CDK7: variants seen among roughly 807,000 people sequenced by gnomAD.
CDK7 encodes the protein cyclin dependent kinase 7, also known as cyclin-dependent kinase 7.
Under a neutral mutation model 49.1 loss-of-function variants are expected in CDK7, and 25 were observed. That is an observed-to-expected ratio of 0.51 (90% CI 0.37 to 0.71). The LOEUF (loss-of-function observed/expected upper bound fraction) is 0.71, where lower values mean the gene tolerates loss of function less well. Among genes scored for constraint, CDK7 ranks in the 30% least tolerant of loss-of-function variants. CDK7 has a pLI of 0.00. For missense variants in CDK7, 316 were observed against 411.7 expected, an observed-to-expected ratio of 0.77 and a Z score of 2.01; for synonymous variants, 107 against 140.0, an observed-to-expected ratio of 0.76 and a Z score of 1.67.
intron 2 of CDK7, among the ~76,000 whole-genome samples, chr5:69,246,024 G>T (rs781108916): frequency 3.3e-5 from 5 of 152,120 alleles, no homozygotes; most frequent in Admixed American, 6.6e-5. Context: ...TTTCTGCCTG[G>T]CATGTACCAA....
intron 2 of CDK7, among the ~76,000 whole-genome samples, chr5:69,244,382 G>C (rs1307881185): frequency 6.6e-6 from 1 of 152,004 alleles, no homozygotes; most frequent in Non-Finnish European, 1.5e-5. Flanking sequence ...TTGTCACCAG[G>C]TGTGGTGGCT....
At chr5:69,241,732 T>C (rs1749403639) in intron 2 of CDK7, among the ~76,000 whole-genome samples, 1 of 152,224 alleles carries the variant, frequency 6.6e-6, no homozygotes. Context: ...TACTCAGATC[T>C]TTCGCCCATT....
intron 8 of CDK7, among the ~76,000 whole-genome samples, chr5:69,263,917 A>G (rs950578940): frequency 5.3e-5 from 8 of 152,250 alleles, no homozygotes; most frequent in Non-Finnish European, 8.8e-5. Flanking sequence ...TGTTGCTGGA[A>G]TCATCTTTAA....
intron 2 of CDK7, among the ~76,000 whole-genome samples, chr5:69,243,486 C>T (rs375665703): frequency 2.0e-5 from 3 of 152,130 alleles, no homozygotes; most frequent in Non-Finnish European, 4.4e-5. Context: ...CTATTCTGTT[C>T]CATTGGTCTG....
At chr5:69,271,513 CTTTTTTTT>C (rs56035306) in intron 9 of CDK7, among the ~76,000 whole-genome samples, 1 of 134,326 alleles carries the variant, frequency 7.4e-6, no homozygotes, top group Non-Finnish European at 1.6e-5. Context: ...ATTTTTTTTT[CTTTTTTTT>C]TTTTTTTTCA....
In CDK7 at chr5:69,253,836, C is replaced by T. The variant is rs564220136; in HGVS notation, c.161-766C>T. On this transcript the variant is annotated intron_variant, in intron 3 of 11. Transcript: ENST00000256443. Reference sequence around the variant, plus strand: ...AATATTGGCCTGGTGCCATGGCTTACGCCTGTAATCCCAGCACTTTGGGAG... The same window carrying T: ...AATATTGGCCTGGTGCCATGGCTTATGCCTGTAATCCCAGCACTTTGGGAG... Among the ~76,000 whole-genome samples, 5 of 152,246 alleles carry T rather than the reference C, an allele frequency of 3.3e-5. 1 individual carries two copies. Among genetic ancestry groups the T allele is most frequent in the South Asian group, 4.1e-4 (2 of 4,826 alleles).
intron 9 of CDK7, among the ~76,000 whole-genome samples, chr5:69,270,036 A>G (rs1302858261): frequency 6.8e-6 from 1 of 147,446 alleles, no homozygotes; most frequent in Non-Finnish European, 1.5e-5. Flanking sequence ...GTTTGAGACC[A>G]GCCTGGGCTA....
chr5:69,238,791 A>G (rs1454347731), intron 2 of CDK7, among the ~76,000 whole-genome samples: 1 of 149,556 alleles, frequency 6.7e-6, no homozygotes, highest in East Asian at 2.0e-4. Flanking sequence ...TCAACTGCTG[A>G]CCTCAACTGA....
intron 2 of CDK7, chr5:69,250,603 T>C: frequency 2.4e-6 from 1 of 421,860 alleles, no homozygotes; most frequent in Non-Finnish European, 4.8e-6. Flanking sequence ...CAGGGGTAGG[T>C]CCAGAAATGC....
chr5:69,255,823 T>G, intron 5 of CDK7: 1 of 350,698 alleles, frequency 2.9e-6, no homozygotes, highest in Non-Finnish European at 5.4e-6. Flanking sequence ...TAAGATTTGT[T>G]TGCTTTTTTT....
At chr5:69,274,994 G>A (rs1332336420) in intron 10 of CDK7, among the ~76,000 whole-genome samples, 2 of 151,572 alleles carry the variant, frequency 1.3e-5, no homozygotes, top group African/African-American at 4.8e-5. Context: ...AACCCGGGAG[G>A]TGGAGGTTGC....
chr5:69,272,310 C>T (rs1751644877), intron 9 of CDK7, among the ~76,000 whole-genome samples: 1 of 152,128 alleles, frequency 6.6e-6, no homozygotes. Context: ...ATCTTGAAAT[C>T]AGGTAAAATG....
intron 1 of CDK7, 102 bp from the exon 2 acceptor site, chr5:69,235,278 AGCCGCCGCGAGTCT>A: frequency 1.2e-6 from 1 of 858,578 alleles, no homozygotes; most frequent in Non-Finnish European, 1.9e-6. Flanking sequence ...CCACGTTTCC[AGCCGCCGCGAGTCT>A]GCTCAGGAAC....
intron 2 of CDK7, among the ~76,000 whole-genome samples, chr5:69,237,157 G>C (rs1236603765): frequency 6.6e-6 from 1 of 151,832 alleles, no homozygotes; most frequent in Non-Finnish European, 1.5e-5. Context: ...TTAGAGTGCA[G>C]TGGCACAGCC....
chr5:69,247,848 A>G (rs1407916286), intron 2 of CDK7, among the ~76,000 whole-genome samples: 1 of 152,242 alleles, frequency 6.6e-6, no homozygotes. Flanking sequence ...ACCAACAAGC[A>G]AAAAGAAAAC....
At chr5:69,262,593 T>A (rs561716670) in intron 8 of CDK7, among the ~76,000 whole-genome samples, 1 of 147,380 alleles carries the variant, frequency 6.8e-6, no homozygotes, top group South Asian at 2.1e-4. Flanking sequence ...CGCTTGAACC[T>A]GGGAGGCAGA....
chr5:69,253,236 TGTAA>T (rs1284654670), intron 3 of CDK7, among the ~76,000 whole-genome samples: 3 of 152,226 alleles, frequency 2.0e-5, no homozygotes, highest in African/African-American at 7.2e-5. Context: ...CCATTGTCTG[TGTAA>T]GTGCCAATAC....
chr5:69,255,780 A>T, intron 5 of CDK7: 1 of 481,364 alleles, frequency 2.1e-6, no homozygotes, highest in Middle Eastern at 3.2e-4. Context: ...TAGCTAGTTG[A>T]CGTCATTTTT....
chr5:69,276,408 A>G lies in CDK7; in HGVS notation c.865-135A>G, dbSNP rs967741847. 2.4e-5 allele frequency: 17 copies of G among 711,240 alleles called. 1 individual carries two copies. In the Admixed American group the frequency reaches 4.2e-4, roughly 18 times the overall value. The allele number at this position is 711,240 out of a possible 1,614,324, so 44.1% of individuals were successfully genotyped here. A position where few individuals can be genotyped will look rare whatever the true frequency, so the allele number is the denominator to read the frequency against. On this transcript the variant is annotated intron_variant, in intron 10 of 11. Coordinates refer to ENST00000256443, the MANE Select transcript of CDK7 (RefSeq NM_001799.4). ...TAATTTCCATTTGCAAATACTTGACATTAATTTTGTTTTGTTGGGAATGAG... is the reference window on the plus strand; with the variant it reads ...TAATTTCCATTTGCAAATACTTGACGTTAATTTTGTTTTGTTGGGAATGAG...
Sources: allele counts gnomAD v4.1 joint callset (sites outside exome capture counted in the v4.1 genomes callset), GRCh38; gene constraint gnomAD v4.1.1; transcripts MANE v1.5; gene names NCBI Gene and HGNC (gene_info 2026-07-23, HGNC 2026-07-21).